Variants in IZUMO2 observed in about 807,000 individuals in gnomAD.
The protein encoded by IZUMO2 is izumo sperm-egg fusion protein 2.
In IZUMO2, 24 loss-of-function variants were observed where a neutral mutation model predicts 31.2. That is an observed-to-expected ratio of 0.77 (90% CI 0.56 to 1.08). The LOEUF (loss-of-function observed/expected upper bound fraction) is 1.08. IZUMO2 is among the 50% of genes least tolerant of loss of function. The pLI, the probability that IZUMO2 is intolerant of heterozygous loss-of-function variation, is 0.00. For missense variants in IZUMO2, 278 were observed against 274.0 expected, an observed-to-expected ratio of 1.01 and a Z score of -0.10; for synonymous variants, 144 against 117.3, an observed-to-expected ratio of 1.23 and a Z score of -1.47.
chr19:50,163,113 C>T lies in IZUMO2; in HGVS notation c.82G>A (p.Val28Met), dbSNP rs1417253794. The T allele has an allele frequency of 1.9e-6, 3 of 1,607,780 alleles. No individual in the cohort carries two copies. Among genetic ancestry groups the T allele is most frequent in the South Asian group, 1.1e-5 (1 of 90,418 alleles). ...CGCAGGTGACCCAGGGCCTCCAGCA[C>T]CAAGGGGTCGCACTGCAGGCAGCCC... ...GWGCLQCDPL[V>M]LEALGHLRSA... The change falls in exon 1 of 7, where the codon GTG becomes ATG. Residue 28 changes from valine (V) to methionine (M), a missense_variant. Transcript: ENST00000293405.
chr19:50,156,782 A>C (rs1159149365), intron 5 of IZUMO2, among the ~76,000 whole-genome samples: 2 of 152,150 alleles, frequency 1.3e-5, no homozygotes, highest in Admixed American at 6.5e-5. Context: ...AAACAAAACA[A>C]AACAAAAACT....
chr19:50,157,302 CTTTT>C (rs59138628), intron 5 of IZUMO2, among the ~76,000 whole-genome samples: 6 of 108,782 alleles, frequency 5.5e-5, no homozygotes, highest in South Asian at 3.1e-4. Flanking sequence ...ATTCATTATA[CTTTT>C]TTTTTTTTTT....
intron 3 of IZUMO2, 121 bp downstream of exon 3, chr19:50,159,373 G>A (rs1216551442): frequency 6.3e-6 from 8 of 1,275,888 alleles, no homozygotes; most frequent in Non-Finnish European, 9.0e-6. Context: ...AGATTGGGGA[G>A]AGATGAAGAA....
chr19:50,155,306 G>A lies in IZUMO2; in HGVS notation c.497-580C>T, dbSNP rs146259788. Among the ~76,000 whole-genome samples the A allele has an allele frequency of 5.6e-3, 851 of 152,306 alleles. 3 individuals are homozygous for A. The highest frequency in any genetic ancestry group is 9.2e-3 in the Non-Finnish European group (624 of 68,018). ...CTAGCAACTCAGGAGGCTGAGGTGG[G>A]AGGATTGCTTGAGCACAGGAGGTTG... On this transcript the variant is annotated intron_variant, in intron 5 of 6. Transcript: ENST00000293405.
In IZUMO2 at chr19:50,154,721, G is replaced by A. The variant is rs759241767; in HGVS notation, c.502C>T (p.Arg168Trp). The change falls in exon 6 of 7, where the codon CGG (arginine) becomes TGG (tryptophan). Residue 168 changes from arginine to tryptophan, a missense_variant. Transcript: ENST00000293405. ...TACTGCAGGGCCACGCGGGGTTGCC[G>A]GTCGACTGGGGCGGGTGGGGAAACA... ...CIHKKYCFVD[R>W]QPRVALQYQM... 16 of 1,613,632 alleles carry A rather than the reference G, an allele frequency of 9.9e-6. No individual in the cohort carries two copies. The highest frequency in any genetic ancestry group is 1.4e-5 in the Non-Finnish European group (16 of 1,179,862).
chr19:50,163,063 G>A lies in IZUMO2; in HGVS notation c.132C>T (p.Phe44=), dbSNP rs758420494. The A allele has an allele frequency of 1.9e-6, 3 of 1,608,028 alleles. No individual in the cohort carries two copies. Among genetic ancestry groups the A allele is most frequent in the African/African-American group, 1.3e-5 (1 of 74,788 alleles). Residue 44 remains phenylalanine (F), a synonymous_variant, in exon 1 of 7, where the codon TTC becomes TTT. Transcript: ENST00000293405. ...HLRSALIPSR[F]QLEQLQARAG... Reference sequence around the variant, plus strand: ...CGCGCGCCTGCAGCTGCTCCAACTGGAAGCGACTGGGGATGAGGGCGGAGC... The same window carrying A: ...CGCGCGCCTGCAGCTGCTCCAACTGAAAGCGACTGGGGATGAGGGCGGAGC...
At chr19:50,152,888 A>C (rs879783084) in intron 6 of IZUMO2, among the ~76,000 whole-genome samples, 1 of 152,144 alleles carries the variant, frequency 6.6e-6, no homozygotes, top group Admixed American at 6.6e-5. Flanking sequence ...GAACAGAAAG[A>C]GTCCAAAAAG....
chr19:50,163,038 C>G lies in IZUMO2; in HGVS notation c.157G>C (p.Ala53Pro), dbSNP rs545804811. 13 of 1,612,774 alleles carry G rather than the reference C, an allele frequency of 8.1e-6. No homozygotes were observed. The highest frequency in any genetic ancestry group is 5.5e-5 in the South Asian group (5 of 90,994). The part of the protein sequence containing the change: ...RFQLEQLQAR[A>P]GAVLMGMEGP... ...TCCATGCCCATCAGCACGGCCCCGG[C>G]GCGCGCCTGCAGCTGCTCCAACTGG... Residue 53 changes from alanine (A) to proline (P), a missense_variant, in exon 1 of 7, where the codon GCC becomes CCC. Ala to Pro is a conservative substitution (Grantham distance 27). Transcript: ENST00000293405.
intron 3 of IZUMO2, 24 bp downstream of exon 3, chr19:50,159,470 G>A (rs1473479663): frequency 5.3e-6 from 8 of 1,511,858 alleles, no homozygotes; most frequent in Non-Finnish European, 5.5e-6. Flanking sequence ...GAGGAGAGGG[G>A]ATTGGTGGAG....
At chr19:50,157,261 A>G (rs1418426401) in intron 5 of IZUMO2, among the ~76,000 whole-genome samples, 2 of 151,690 alleles carry the variant, frequency 1.3e-5, no homozygotes, top group East Asian at 1.9e-4. Context: ...AAGATCCAGC[A>G]TGACTATTCA....
chr19:50,159,455 G>A (rs780066024), intron 3 of IZUMO2, 39 bp downstream of exon 3: 5 of 1,444,810 alleles, frequency 3.5e-6, no homozygotes, highest in East Asian at 4.6e-5. Flanking sequence ...GAGGTCAAGG[G>A]AGAAGAGGAG....
chr19:50,153,789 C>T (rs1415272752), intron 6 of IZUMO2: 1 of 148,488 alleles, frequency 6.7e-6, no homozygotes, highest in African/African-American at 2.5e-5. Flanking sequence ...CAGCTTGGGC[C>T]ACAGAGCGAG....
intron 5 of IZUMO2, among the ~76,000 whole-genome samples, chr19:50,157,302 C>CTT (rs59138628): frequency 1.8e-5 from 2 of 108,800 alleles, no homozygotes; most frequent in South Asian, 3.1e-4. Context: ...ATTCATTATA[C>CTT]TTTTTTTTTT....
intron 5 of IZUMO2, among the ~76,000 whole-genome samples, chr19:50,156,214 C>G (rs142312705): frequency 6.6e-6 from 1 of 152,220 alleles, no homozygotes; most frequent in East Asian, 1.9e-4. Flanking sequence ...ACTCAAGGGA[C>G]ATTTGGAAAT....
In IZUMO2 at chr19:50,162,821, G is replaced by T; in HGVS notation, c.233-8C>A. ...GGTCCAGTTGATTTGTCTCTGGGGG[G>T]AGAAGGGAGAGGACACTCCAGTGAG... On this transcript the variant is annotated splice_region_variant and splice_polypyrimidine_tract_variant and intron_variant, in intron 1 of 6. Coordinates refer to ENST00000293405, the MANE Select transcript of IZUMO2 (RefSeq NM_152358.3). 6.2e-7 allele frequency: 1 copy of T among 1,613,228 alleles called. No homozygotes were observed. Among genetic ancestry groups the T allele is most frequent in the Non-Finnish European group, 8.5e-7 (1 of 1,179,692 alleles).
chr19:50,162,644 T>C, intron 2 of IZUMO2, 95 bp downstream of exon 2: 1 of 1,043,474 alleles, frequency 9.6e-7, no homozygotes, highest in Non-Finnish European at 1.5e-6. Context: ...CTACATTGCA[T>C]GCGTGTTTGC....
chr19:50,152,626 T>C lies in IZUMO2; in HGVS notation c.649A>G (p.Lys217Glu), dbSNP rs1473105652. Reference protein sequence around the residue: ...VSACTYRQNRKLLLQ With the variant: ...VSACTYRQNRELLLQ The stretch of plus-strand genomic sequence containing the variant: ...CCACCGTCCTACTGCAGCAGGAGTT[T>C]TCGGTTTTGTCTGTATGTACAAGCC... Residue 217 changes from lysine (K) to glutamate (E), a missense_variant, in exon 7 of 7, where the codon AAA becomes GAA. By Grantham distance (56) the Lys-to-Glu change is moderately conservative. Transcript: ENST00000293405. 6.2e-7 allele frequency: 1 copy of C among 1,613,706 alleles called. No homozygotes were observed. The highest frequency in any genetic ancestry group is 8.5e-7 in the Non-Finnish European group (1 of 1,179,618).
chr19:50,162,794 A>G lies in IZUMO2; in HGVS notation c.252T>C (p.Leu84=), dbSNP rs753402687. ...TTTGGTTCTTGACAAAGGACGCCAC[A>G]AGGTCCAGTTGATTTGTCTCTGGGG... ...VGKVETNQLD[L]VASFVKNQTQ... is the part of the protein sequence containing the mutation. The change falls in exon 2 of 7, where the codon CTT becomes CTC. Residue 84 remains leucine (L), a synonymous_variant. Coordinates refer to ENST00000293405, the MANE Select transcript of IZUMO2 (RefSeq NM_152358.3). 2 of 1,613,912 alleles carry G rather than the reference A, an allele frequency of 1.2e-6. No individual in the cohort carries two copies. The highest frequency in any genetic ancestry group is 2.2e-5 in the South Asian group (2 of 91,072).
chr19:50,152,588 C>G lies in IZUMO2; in HGVS notation c.*21G>C. On this transcript the variant is annotated 3_prime_UTR_variant, in exon 7 of 7. Coordinates refer to ENST00000293405, the MANE Select transcript of IZUMO2 (RefSeq NM_152358.3). ...TTTTATTAAATTTATTTTCCTTTCT[C>G]CTTACCCCCAAACCACCGTCCTACT... is the stretch of plus-strand genomic sequence containing the variant. The G allele has an allele frequency of 6.2e-7, 1 of 1,605,984 alleles. No individual in the cohort carries two copies. Among genetic ancestry groups the G allele is most frequent in the Non-Finnish European group, 8.5e-7 (1 of 1,172,684 alleles).
Sources: allele counts gnomAD v4.1 joint callset (sites outside exome capture counted in the v4.1 genomes callset), GRCh38; gene constraint gnomAD v4.1.1; transcripts MANE v1.5; gene names NCBI Gene and HGNC (gene_info 2026-07-23, HGNC 2026-07-21).